Variants in ADGRL3 observed in about 807,000 individuals in gnomAD.
The protein encoded by ADGRL3 is adhesion G protein-coupled receptor L3.
A neutral mutation model predicts 153.5 loss-of-function variants in ADGRL3; 62 were observed. The ratio of observed to expected loss-of-function variants is 0.40; its 90% CI spans 0.33 to 0.50. The LOEUF (loss-of-function observed/expected upper bound fraction) is 0.50, where lower values mean the gene tolerates loss of function less well. ADGRL3 is among the 20% of genes least tolerant of loss of function. ADGRL3 has a pLI of 0.47. For missense variants in ADGRL3, 1,641 were observed against 1,859.4 expected, an observed-to-expected ratio of 0.88 and a Z score of 2.16; for synonymous variants, 710 against 672.5, an observed-to-expected ratio of 1.06 and a Z score of -0.86.
At chr4:61,912,617 A>G in intron 12 of ADGRL3, 102 bp from the exon 13 acceptor site, 1 of 980,118 alleles carries the variant, frequency 1.0e-6, no homozygotes, top group Non-Finnish European at 1.6e-6. Context: ...ATGACAAAAT[A>G]AGGTGTTTTG....
At chr4:61,575,053 T>A (rs1356191734) in intron 4 of ADGRL3, among the ~76,000 whole-genome samples, 1 of 151,892 alleles carries the variant, frequency 6.6e-6, no homozygotes, top group Non-Finnish European at 1.5e-5. Flanking sequence ...TAACCACCTG[T>A]ATTGGAATAT....
chr4:61,901,037 T>C (rs1018661399), intron 11 of ADGRL3, among the ~76,000 whole-genome samples: 2 of 152,176 alleles, frequency 1.3e-5, no homozygotes, highest in African/African-American at 4.8e-5. Context: ...TGCATTGTGG[T>C]TTATAATTTC....
At chr4:61,949,057 G>T (rs1035908102) in intron 17 of ADGRL3, among the ~76,000 whole-genome samples, 6 of 151,122 alleles carry the variant, frequency 4.0e-5, no homozygotes, top group African/African-American at 9.7e-5. Flanking sequence ...TGCATCAGTA[G>T]TAGGTAAGAT....
chr4:61,439,265 CTGT>C (rs2097498194), intron 2 of ADGRL3, among the ~76,000 whole-genome samples: 1 of 152,046 alleles, frequency 6.6e-6, no homozygotes. Context: ...TGTGAGGCCA[CTGT>C]ACTTAGAAAT....
At chr4:61,688,468 T>C (rs1237942493) in intron 6 of ADGRL3, among the ~76,000 whole-genome samples, 1 of 151,994 alleles carries the variant, frequency 6.6e-6, no homozygotes, top group African/African-American at 2.4e-5. Flanking sequence ...ACCTAGAAAA[T>C]GGAGATGATA....
intron 2 of ADGRL3, among the ~76,000 whole-genome samples, chr4:61,436,911 T>G (rs948166615): frequency 4.6e-5 from 7 of 151,702 alleles, no homozygotes; most frequent in African/African-American, 1.7e-4. Context: ...GAGTCTAAGC[T>G]GGAGATAAAC....
intron 17 of ADGRL3, among the ~76,000 whole-genome samples, chr4:61,973,242 C>T (rs1462083408): frequency 6.6e-6 from 1 of 151,864 alleles, no homozygotes; most frequent in East Asian, 1.9e-4. Flanking sequence ...TCACATTTCC[C>T]TGTTCCAGAA....
intron 2 of ADGRL3, among the ~76,000 whole-genome samples, chr4:61,482,935 G>A (rs751629713): frequency 6.6e-6 from 1 of 152,034 alleles, no homozygotes; most frequent in Non-Finnish European, 1.5e-5. Context: ...AACCTAATGG[G>A]AAATAAAAAT....
chr4:61,418,856 A>C (rs2152318063), intron 2 of ADGRL3, among the ~76,000 whole-genome samples: 1 of 150,950 alleles, frequency 6.6e-6, no homozygotes, highest in South Asian at 2.1e-4. Flanking sequence ...TACAGGTAGC[A>C]TACAGTAACA....
intron 4 of ADGRL3, among the ~76,000 whole-genome samples, chr4:61,555,138 G>A (rs1220849317): frequency 6.6e-6 from 1 of 152,046 alleles, no homozygotes; most frequent in Non-Finnish European, 1.5e-5. Context: ...CAGCTTTTAG[G>A]CAGAAAAGAG....
At chr4:61,776,568 T>G (rs1323638820) in intron 8 of ADGRL3, among the ~76,000 whole-genome samples, 1 of 152,188 alleles carries the variant, frequency 6.6e-6, no homozygotes, top group Non-Finnish European at 1.5e-5. Flanking sequence ...TCATAAAATC[T>G]ACTGAATTTT....
In ADGRL3 at chr4:61,391,855, C is replaced by CTTTTTTTTTTTTTTTTTTTTT. The variant is rs869176171; in HGVS notation, c.-174+8668_-174+8688dup. Among the ~76,000 whole-genome samples the CTTTTTTTTTTTTTTTTTTTTT allele has an allele frequency of 2.1e-5, 2 of 93,656 alleles. 1 individual carries two copies. Among genetic ancestry groups the CTTTTTTTTTTTTTTTTTTTTT allele is most frequent in the Non-Finnish European group, 4.1e-5 (2 of 49,102 alleles). 61.4% of individuals were successfully genotyped at this position (93,656 alleles called of 152,430 possible). A position where few individuals can be genotyped will look rare whatever the true frequency, so the allele number is the denominator to read the frequency against. On this transcript the variant is annotated intron_variant, in intron 2 of 26. Coordinates refer to ENST00000683033, the MANE Select transcript of ADGRL3 (RefSeq NM_001387552.1). ...AAAATTATCCAAGTGAAAAATGCTA[C>CTTTTTTTTTTTTTTTTTTTTT]TTTTTTTTTTTTTTTTTTTTTTGAG...
chr4:61,478,896 A>G (rs2098098764), intron 2 of ADGRL3, among the ~76,000 whole-genome samples: 2 of 152,084 alleles, frequency 1.3e-5, no homozygotes, highest in South Asian at 2.1e-4. Context: ...TTATGTTTCC[A>G]TGGTAAAGAA....
intron 1 of ADGRL3, among the ~76,000 whole-genome samples, chr4:61,375,609 T>C (rs1245870115): frequency 1.3e-5 from 2 of 152,136 alleles, no homozygotes; most frequent in Admixed American, 6.6e-5. Flanking sequence ...TTAAATAATA[T>C]ATATGTTGAA....
At chr4:61,309,458 C>T (rs2094919438) in intron 1 of ADGRL3, among the ~76,000 whole-genome samples, 3 of 152,250 alleles carry the variant, frequency 2.0e-5, no homozygotes, top group Non-Finnish European at 2.9e-5. Flanking sequence ...ACAATTACGT[C>T]CACCATAATA....
At chr4:62,057,340 C>G (rs1737583630) in intron 25 of ADGRL3, among the ~76,000 whole-genome samples, 1 of 152,114 alleles carries the variant, frequency 6.6e-6, no homozygotes, top group Non-Finnish European at 1.5e-5. Context: ...AGAAATATCA[C>G]AGTTTTGTGT....
At chr4:61,303,990 T>TA in intron 1 of ADGRL3, among the ~76,000 whole-genome samples, 1 of 152,188 alleles carries the variant, frequency 6.6e-6, no homozygotes, top group Non-Finnish European at 1.5e-5. Context: ...AGATAATAGA[T>TA]ACCTTGTTTT....
intron 8 of ADGRL3, among the ~76,000 whole-genome samples, chr4:61,744,953 G>C (rs954228035): frequency 1.3e-5 from 2 of 152,178 alleles, no homozygotes; most frequent in East Asian, 3.9e-4. Context: ...AGGCAAAGAA[G>C]TTGAAAACTT....
intron 1 of ADGRL3, among the ~76,000 whole-genome samples, chr4:61,316,386 C>T (rs1193839562): frequency 6.6e-6 from 1 of 152,064 alleles, no homozygotes; most frequent in African/African-American, 2.4e-5. Flanking sequence ...TAGGTGGCAT[C>T]CTAAGACGTC....
Sources: allele counts gnomAD v4.1 joint callset (sites outside exome capture counted in the v4.1 genomes callset), GRCh38; gene constraint gnomAD v4.1.1; transcripts MANE v1.5; gene names NCBI Gene and HGNC (gene_info 2026-07-23, HGNC 2026-07-21).